Variants in CNTNAP4 observed in about 807,000 individuals in gnomAD.
CNTNAP4 encodes contactin-associated protein-like 4.
Under a neutral mutation model 148.4 loss-of-function variants are expected in CNTNAP4, and 98 were observed. The observed-to-expected ratio is 0.66, with a 90% CI of 0.56 to 0.78. The LOEUF is 0.78. Among genes scored for constraint, CNTNAP4 ranks in the 30% least tolerant of loss-of-function variants. The pLI, the probability that CNTNAP4 is intolerant of heterozygous loss-of-function variation, is 0.00. For synonymous variants in CNTNAP4, 730 were observed against 565.1 expected (o/e 1.29, Z -4.14); for missense variants, 1,935 against 1,565.6 (o/e 1.24, Z -3.98).
chr16:76,312,546 G>C (rs1961242699), intron 1 of CNTNAP4, among the ~76,000 whole-genome samples: 1 of 152,038 alleles, frequency 6.6e-6, no homozygotes, highest in South Asian at 2.1e-4. Flanking sequence ...TTCCTCTCTT[G>C]TCAAGACTGT....
chr16:76,443,485 T>C (rs2080121603), intron 4 of CNTNAP4, among the ~76,000 whole-genome samples: 1 of 152,150 alleles, frequency 6.6e-6, no homozygotes, highest in African/African-American at 2.4e-5. Flanking sequence ...CTTGGAAGGC[T>C]GAGGCTGAGG....
intron 3 of CNTNAP4, among the ~76,000 whole-genome samples, chr16:76,358,060 G>A (rs1249866132): frequency 3.9e-5 from 6 of 152,132 alleles, no homozygotes; most frequent in East Asian, 3.9e-4. Flanking sequence ...AAGGCTGGGC[G>A]TTTTGGCTCA....
At chr16:76,357,583 G>A (rs546804150) in intron 3 of CNTNAP4, among the ~76,000 whole-genome samples, 19 of 152,322 alleles carry the variant, frequency 1.2e-4, no homozygotes, top group African/African-American at 3.9e-4. Context: ...CCCTTCTTGA[G>A]TGTGAGCTCT....
intron 3 of CNTNAP4, among the ~76,000 whole-genome samples, chr16:76,390,526 C>T (rs2016884093): frequency 6.6e-6 from 1 of 150,826 alleles, no homozygotes; most frequent in Non-Finnish European, 1.5e-5. Context: ...GGAATCTGTT[C>T]ATGAACTGCA....
chr16:76,400,589 A>G (rs901221664), intron 3 of CNTNAP4, among the ~76,000 whole-genome samples: 57 of 152,044 alleles, frequency 3.7e-4, no homozygotes, highest in Middle Eastern at 3.2e-3. Context: ...ATTGCTTTCA[A>G]TGTCTTTGTC....
intron 17 of CNTNAP4, among the ~76,000 whole-genome samples, chr16:76,530,556 G>T (rs1001161561): frequency 6.6e-6 from 1 of 152,052 alleles, no homozygotes; most frequent in South Asian, 2.1e-4. Flanking sequence ...CTAGAGACTC[G>T]CTCTGGCTTC....
chr16:76,352,765 T>C (rs953398731), intron 2 of CNTNAP4, among the ~76,000 whole-genome samples: 5 of 152,184 alleles, frequency 3.3e-5, no homozygotes, highest in African/African-American at 1.2e-4. Context: ...TTGATTCAGA[T>C]TTTAAAATAA....
chr16:76,553,315 G>A lies in CNTNAP4; in HGVS notation c.3475G>A (p.Ala1159Thr), dbSNP rs1404298840. 3 of 1,612,004 alleles carry A rather than the reference G, an allele frequency of 1.9e-6. No homozygotes were observed. The highest frequency in any genetic ancestry group is 2.5e-6 in the Non-Finnish European group (3 of 1,178,638). Residue 1159 changes from alanine to threonine, a missense_variant, in exon 22 of 24, where the codon GCA becomes ACA. Physicochemically the swap from Ala to Thr is moderately conservative, Grantham distance 58. Coordinates refer to ENST00000611870, the MANE Select transcript of CNTNAP4 (RefSeq NM_033401.5). ...TGATGTGGACCAGGATACTGCACTG[G>A]CAGGTGCGCAGGGCTTCACAGGCTG... ...HSDVDQDTALAGAQGFTGCLS... is the reference protein window; with the variant it reads ...HSDVDQDTALTGAQGFTGCLS...
chr16:76,326,651 A>G (rs1963004334), intron 2 of CNTNAP4, among the ~76,000 whole-genome samples: 1 of 152,146 alleles, frequency 6.6e-6, no homozygotes, highest in South Asian at 2.1e-4. Flanking sequence ...CTTTGTAGGG[A>G]CATGGATAAA....
chr16:76,378,236 A>G (rs904157679), intron 3 of CNTNAP4, among the ~76,000 whole-genome samples: 2 of 152,182 alleles, frequency 1.3e-5, no homozygotes, highest in Non-Finnish European at 2.9e-5. Context: ...TTATTGCACA[A>G]TATATCCATG....
intron 11 of CNTNAP4, among the ~76,000 whole-genome samples, chr16:76,477,320 C>G (rs1429439985): frequency 1.3e-5 from 2 of 152,174 alleles, no homozygotes; most frequent in African/African-American, 2.4e-5. Flanking sequence ...GCCCATTTCC[C>G]CCCCATTTTT....
Position 76,539,850 on chromosome 16 carries a change from G to C in CNTNAP4, c.3352G>C (p.Glu1118Gln). 1.3e-6 allele frequency: 2 copies of C among 1,578,100 alleles called. No individual in the cohort carries two copies. The highest frequency in any genetic ancestry group is 1.7e-6 in the Non-Finnish European group (2 of 1,168,226). ...CAGAGAAGAAGGAGTGGTCTTTATA[G>C]AGGTAATGTAGTAAATTCAGCAGAA... is the stretch of plus-strand genomic sequence containing the variant. ...INREEGVVFIEIDDNRRRQVH... is the reference protein window; with the variant it reads ...INREEGVVFIQIDDNRRRQVH... The change falls in exon 20 of 24, where the codon GAG becomes CAG. Residue 1118 changes from glutamate to glutamine, a missense_variant and splice_region_variant. By Grantham distance (29) the Glu-to-Gln change is conservative (BLOSUM62 2). Coordinates refer to ENST00000611870, the MANE Select transcript of CNTNAP4 (RefSeq NM_033401.5).
intron 21 of CNTNAP4, among the ~76,000 whole-genome samples, chr16:76,553,019 G>T (rs1018390279): frequency 6.6e-6 from 1 of 152,050 alleles, no homozygotes; most frequent in Non-Finnish European, 1.5e-5. Flanking sequence ...TTCTTAACCT[G>T]ACCCATTCTT....
chr16:76,383,883 A>G (rs1002584764), intron 3 of CNTNAP4, among the ~76,000 whole-genome samples: 14 of 152,126 alleles, frequency 9.2e-5, no homozygotes, highest in Non-Finnish European at 1.8e-4. Flanking sequence ...GATGTGTGTG[A>G]GTTTTAAATT....
intron 12 of CNTNAP4, among the ~76,000 whole-genome samples, chr16:76,486,232 A>C (rs1311406331): frequency 6.6e-6 from 1 of 152,174 alleles, no homozygotes; most frequent in Non-Finnish European, 1.5e-5. Context: ...TTTTGCATTT[A>C]GTAAAAGATA....
intron 21 of CNTNAP4, among the ~76,000 whole-genome samples, chr16:76,548,916 T>G (rs2084849512): frequency 6.6e-6 from 1 of 152,220 alleles, no homozygotes; most frequent in South Asian, 2.1e-4. Context: ...TAAGGCCAGC[T>G]TTGCTTATGA....
chr16:76,371,162 G>A (rs1192945558), intron 3 of CNTNAP4, among the ~76,000 whole-genome samples: 1 of 152,058 alleles, frequency 6.6e-6, no homozygotes, highest in Non-Finnish European at 1.5e-5. Context: ...CTTTCTATGT[G>A]GGAAAAAATA....
intron 3 of CNTNAP4, among the ~76,000 whole-genome samples, chr16:76,392,531 C>G (rs1029221166): frequency 6.6e-6 from 1 of 152,094 alleles, no homozygotes; most frequent in African/African-American, 2.4e-5. Context: ...CAATGTAAGA[C>G]TACTCTGAAT....
intron 2 of CNTNAP4, among the ~76,000 whole-genome samples, chr16:76,343,561 G>A (rs557209288): frequency 6.6e-6 from 1 of 152,142 alleles, no homozygotes; most frequent in East Asian, 1.9e-4. Context: ...TCTCGGGTTA[G>A]GAGATACAAC....
Sources: gnomAD v4.1 joint callset for allele counts (sites outside exome capture counted in the v4.1 genomes callset) on GRCh38, gnomAD v4.1.1 for gene constraint, MANE v1.5 for transcripts, NCBI Gene and HGNC (gene_info 2026-07-23, HGNC 2026-07-21) for gene names.